The following CBR4 variants were observed in gnomAD, a reference collection of about 807,000 sequenced individuals.
CBR4 encodes the protein 3-oxoacyl-[acyl-carrier-protein] reductase.
Under a neutral mutation model 21.0 loss-of-function variants are expected in CBR4, and 22 were observed. That is an observed-to-expected ratio of 1.05 (90% CI 0.75 to 1.50). CBR4 has a LOEUF of 1.50. Among genes scored for constraint, CBR4 ranks in the 40% most tolerant of loss-of-function variants. The pLI is 0.00. For synonymous variants in CBR4, 100 were observed against 104.4 expected (o/e 0.96, Z 0.26); for missense variants, 302 against 286.3 (o/e 1.05, Z -0.40).
intron 2 of CBR4, among the ~76,000 whole-genome samples, chr4:168,944,378 T>C (rs2126685851): frequency 6.6e-6 from 1 of 152,138 alleles, no homozygotes; most frequent in East Asian, 1.9e-4. Flanking sequence ...TTCAGGAGGC[T>C]ATGGCAGAAG....
At chr4:168,900,700 C>T (rs1327086231) in intron 2 of CBR4, among the ~76,000 whole-genome samples, 1 of 152,162 alleles carries the variant, frequency 6.6e-6, no homozygotes, top group East Asian at 1.9e-4. Flanking sequence ...ACCCTATATA[C>T]TTCCTAATAA....
chr4:169,010,050 T>A lies in CBR4; in HGVS notation c.40A>T (p.Ile14Phe), dbSNP rs369690440. The A allele has an allele frequency of 4.3e-6, 7 of 1,613,632 alleles. No individual in the cohort carries two copies. The highest frequency in any genetic ancestry group is 5.1e-6 in the Non-Finnish European group (6 of 1,179,916). The part of the protein sequence containing the change: ...VCAVFGGSRG[I>F]GRAVAQLMAR... ...ATTAACTGGGCCACAGCTCTGCCAA[T>A]GCCTCGGGAGCCTCCAAAAACAGCA... The change falls in exon 1 of 5, where the codon ATT becomes TTT. Residue 14 changes from isoleucine to phenylalanine, a missense_variant. By Grantham distance (21) the Ile-to-Phe change is conservative (BLOSUM62 0). Coordinates refer to ENST00000306193, the MANE Select transcript of CBR4 (RefSeq NM_032783.5).
At chr4:168,942,968 A>G (rs180942015) in intron 2 of CBR4, among the ~76,000 whole-genome samples, 24 of 152,304 alleles carry the variant, frequency 1.6e-4, no homozygotes, top group Middle Eastern at 3.4e-3. Flanking sequence ...AAAAATAATA[A>G]TAAGTTCTGC....
chr4:168,908,223 A>G (rs180900010), intron 2 of CBR4, among the ~76,000 whole-genome samples: 132 of 152,322 alleles, frequency 8.7e-4, no homozygotes, highest in African/African-American at 2.8e-3. Flanking sequence ...TATGGCAGAT[A>G]TAAGTTCTGT....
intron 2 of CBR4, among the ~76,000 whole-genome samples, chr4:168,906,080 A>G (rs1046434965): frequency 3.9e-5 from 6 of 152,270 alleles, no homozygotes; most frequent in Admixed American, 6.5e-5. Flanking sequence ...CTGTTTAAGA[A>G]AATGGTGGAG....
intron 2 of CBR4, among the ~76,000 whole-genome samples, chr4:168,936,743 T>C (rs867983713): frequency 2.8e-4 from 42 of 152,028 alleles, no homozygotes; most frequent in Non-Finnish European, 1.3e-4. Flanking sequence ...GAAAAAAGAA[T>C]GAAAAGGAAT....
At chr4:168,903,008 C>T (rs892406816) in intron 2 of CBR4, among the ~76,000 whole-genome samples, 12 of 152,140 alleles carry the variant, frequency 7.9e-5, no homozygotes, top group Admixed American at 2.0e-4. Flanking sequence ...AGCAATCCTC[C>T]TCAGCCTCCC....
intron 2 of CBR4, among the ~76,000 whole-genome samples, chr4:168,978,860 T>G (rs2126777304): frequency 6.6e-6 from 1 of 152,248 alleles, no homozygotes; most frequent in South Asian, 2.1e-4. Context: ...CCCACTGGCC[T>G]GGGATCCCAA....
chr4:169,009,269 A>AT (rs950604449), intron 1 of CBR4, among the ~76,000 whole-genome samples: 3 of 152,242 alleles, frequency 2.0e-5, no homozygotes, highest in Non-Finnish European at 4.4e-5. Flanking sequence ...TAATCCATTC[A>AT]TAATAAGCCG....
chr4:168,914,479 A>G (rs1759695325), intron 2 of CBR4, among the ~76,000 whole-genome samples: 1 of 152,214 alleles, frequency 6.6e-6, no homozygotes, highest in Non-Finnish European at 1.5e-5. Flanking sequence ...ACATAAGACC[A>G]TTAGACTACA....
intron 3 of CBR4, among the ~76,000 whole-genome samples, chr4:169,006,533 T>C (rs772287740): frequency 3.3e-5 from 5 of 152,242 alleles, no homozygotes; most frequent in African/African-American, 4.8e-5. Flanking sequence ...CTGTCATTTT[T>C]CTAGTACTCA....
chr4:168,944,145 A>T (rs1027008550), intron 2 of CBR4, among the ~76,000 whole-genome samples: 1 of 152,094 alleles, frequency 6.6e-6, no homozygotes, highest in African/African-American at 2.4e-5. Flanking sequence ...GAGTTCACTC[A>T]TAAAGTTTTG....
chr4:168,983,931 A>G (rs1764612448), downstream of CBR4, among the ~76,000 whole-genome samples: 1 of 152,142 alleles, frequency 6.6e-6, no homozygotes, highest in Non-Finnish European at 1.5e-5. Flanking sequence ...AGCCATCTAA[A>G]CAAACCCATA....
downstream of CBR4, among the ~76,000 whole-genome samples, chr4:168,984,716 A>G (rs1203468685): frequency 6.6e-6 from 1 of 152,218 alleles, no homozygotes; most frequent in African/African-American, 2.4e-5. Flanking sequence ...AAACAGACAC[A>G]CAGACCAATG....
chr4:168,903,045 G>T (rs919848938), intron 2 of CBR4, among the ~76,000 whole-genome samples: 6 of 152,162 alleles, frequency 3.9e-5, no homozygotes, highest in African/African-American at 2.4e-5. Flanking sequence ...AGGTAGGCAT[G>T]AGCCACTGTA....
chr4:168,904,509 G>A (rs1240273447), intron 2 of CBR4, among the ~76,000 whole-genome samples: 3 of 152,148 alleles, frequency 2.0e-5, no homozygotes, highest in African/African-American at 7.2e-5. Flanking sequence ...CATGTTGCCA[G>A]TTCGAGCCTG....
At chr4:168,960,912 C>T (rs989443075) in intron 2 of CBR4, among the ~76,000 whole-genome samples, 2 of 152,190 alleles carry the variant, frequency 1.3e-5, no homozygotes, top group African/African-American at 2.4e-5. Flanking sequence ...TAAGCACAAG[C>T]TGTTTCCGGT....
At chr4:169,009,127 A>G (rs2126883271) in intron 1 of CBR4, 1 of 431,464 alleles carries the variant, frequency 2.3e-6, no homozygotes, top group South Asian at 1.7e-5. Flanking sequence ...CTAGGCCTCT[A>G]TTCTCCCCAT....
chr4:168,926,683 G>GTAACTACAATTTGTAT, intron 2 of CBR4: 2 of 349,282 alleles, frequency 5.7e-6, no homozygotes, highest in South Asian at 9.0e-5. Context: ...TTGTTCACAG[G>GTAACTACAATTTGTAT]TAACTACAAT....
Sources: gnomAD v4.1 joint callset for allele counts (sites outside exome capture counted in the v4.1 genomes callset) on GRCh38, gnomAD v4.1.1 for gene constraint, MANE v1.5 for transcripts, NCBI Gene and HGNC (gene_info 2026-07-23, HGNC 2026-07-21) for gene names.